TBC1D30: variants seen among roughly 807,000 people sequenced by gnomAD.
The protein encoded by TBC1D30 is TBC1 domain family member 30, also known as TBC1 domain family, member 30.
A neutral mutation model predicts 63.2 loss-of-function variants in TBC1D30; 31 were observed. The observed-to-expected ratio is 0.49, with a 90% CI of 0.37 to 0.66. The LOEUF (loss-of-function observed/expected upper bound fraction) is 0.66, where lower values mean the gene tolerates loss of function less well. Among genes scored for constraint, TBC1D30 ranks in the 30% least tolerant of loss-of-function variants. The pLI is 0.00. For missense variants in TBC1D30, 810 were observed against 953.6 expected (o/e 0.85, Z 1.98); for synonymous variants, 307 against 361.5 (o/e 0.85, Z 1.71).
At chr12:64,831,981 T>C in intron 4 of TBC1D30, 138 bp from the exon 5 acceptor site, 1 of 689,334 alleles carries the variant, frequency 1.5e-6, no homozygotes, top group Non-Finnish European at 2.2e-6. Context: ...TTTTGGCTCA[T>C]ATGTATAAAA....
intron 2 of TBC1D30, among the ~76,000 whole-genome samples, chr12:64,813,908 A>G (rs192515516): frequency 2.0e-5 from 3 of 152,296 alleles, no homozygotes; most frequent in Non-Finnish European, 4.4e-5. Context: ...GGAGAGAGAG[A>G]CAACAATGAG....
chr12:64,859,020 C>CTG (rs139732055), intron 8 of TBC1D30, among the ~76,000 whole-genome samples: 226 of 147,960 alleles, frequency 1.5e-3, no homozygotes, highest in Middle Eastern at 3.5e-3. Flanking sequence ...TTTGACTAGG[C>CTG]TGTGTGTGTG....
At chr12:64,786,025 A>G (rs1431352606) in exon 2 of TBC1D30, 1 of 1,287,908 alleles carries the variant, frequency 7.8e-7, no homozygotes, top group Non-Finnish European at 1.0e-6. Context: ...GCCTGCTTGC[A>G]GGCTGTGTCA....
rs1874137077 is a variant in TBC1D30, at chr12:64,824,690, C to CG, written c.-189dup. ...CTGCAGATGCCTGCTGGCTTCCCTGCGCTCGGCGGCTCCCGCGGTGCCCCG... is the reference window on the plus strand; with the variant it reads ...CTGCAGATGCCTGCTGGCTTCCCTGCGGCTCGGCGGCTCCCGCGGTGCCCCG... On this transcript the variant is annotated 5_prime_UTR_variant, in exon 1 of 12. It removes the in-frame stop codon of an upstream open reading frame in the 5' UTR. Coordinates refer to ENST00000539867, the MANE Select transcript of TBC1D30 (RefSeq NM_015279.2). 1 of 703,944 alleles carries CG rather than the reference C, an allele frequency of 1.4e-6. No homozygotes were observed. Among genetic ancestry groups the CG allele is most frequent in the Non-Finnish European group, 2.2e-6 (1 of 452,218 alleles). The allele number at this position is 703,944 out of a possible 1,614,324, so 43.6% of individuals were successfully genotyped here.
chr12:64,857,817 C>T (rs1433561497), intron 8 of TBC1D30, among the ~76,000 whole-genome samples: 1 of 152,210 alleles, frequency 6.6e-6, no homozygotes, highest in Non-Finnish European at 1.5e-5. Flanking sequence ...TTCAAATGCC[C>T]CCTCTGTGTG....
chr12:64,803,530 T>C (rs1256369120), intron 2 of TBC1D30, among the ~76,000 whole-genome samples: 1 of 152,258 alleles, frequency 6.6e-6, no homozygotes, highest in African/African-American at 2.4e-5. Context: ...ATTTTGGCTT[T>C]TGTTGCCATT....
At chr12:64,842,761 G>C (rs1875992646) in intron 7 of TBC1D30, among the ~76,000 whole-genome samples, 1 of 152,156 alleles carries the variant, frequency 6.6e-6, no homozygotes, top group African/African-American at 2.4e-5. Context: ...CAATTTCATG[G>C]TTATGCTTTC....
chr12:64,777,429 T>C (rs536881392), upstream of TBC1D30, among the ~76,000 whole-genome samples: 1 of 152,166 alleles, frequency 6.6e-6, no homozygotes, highest in African/African-American at 2.4e-5. Context: ...ACAAAATCAA[T>C]GTGCAAAAAT....
At chr12:64,819,356 A>G (rs1873745923) in intron 2 of TBC1D30, among the ~76,000 whole-genome samples, 1 of 151,290 alleles carries the variant, frequency 6.6e-6, no homozygotes, top group Non-Finnish European at 1.5e-5. Context: ...AAACTGTTAC[A>G]ATGCTCATAG....
upstream of TBC1D30, among the ~76,000 whole-genome samples, chr12:64,821,824 C>A (rs564533655): frequency 6.6e-6 from 1 of 152,292 alleles, no homozygotes; most frequent in East Asian, 1.9e-4. Flanking sequence ...TACCGGAGCT[C>A]GCAGCAAAAG....
intron 11 of TBC1D30, among the ~76,000 whole-genome samples, chr12:64,872,219 G>T (rs558912758): frequency 6.6e-6 from 1 of 152,286 alleles, no homozygotes; most frequent in African/African-American, 2.4e-5. Flanking sequence ...GTAGAGACGG[G>T]ATTTCACCAT....
chr12:64,763,909 C>T (rs1289574969), intron 1 of TBC1D30, among the ~76,000 whole-genome samples: 1 of 152,196 alleles, frequency 6.6e-6, no homozygotes, highest in Non-Finnish European at 1.5e-5. Context: ...GGATTACAGG[C>T]GTGAGCCACC....
Position 64,875,570 on chromosome 12 carries a change from G to A in TBC1D30, c.2068G>A (p.Glu690Lys), listed in dbSNP as rs1465573353. The A allele has an allele frequency of 1.1e-5, 17 of 1,536,000 alleles. No individual in the cohort carries two copies. The highest frequency in any genetic ancestry group is 6.8e-5 in the African/African-American group (5 of 73,016). ...RHCPEPPSAP[E>K]ENKATSKAPQ... The stretch of plus-strand genomic sequence containing the variant: ...CTGCCCAGAGCCGCCGAGTGCACCC[G>A]AAGAAAACAAAGCCACCAGCAAAGC... Residue 690 changes from glutamate to lysine, a missense_variant, in exon 12 of 12, where the codon GAA becomes AAA. By Grantham distance (56) the Glu-to-Lys change is moderately conservative. Transcript: ENST00000539867.
At chr12:64,863,530 C>A (rs1421022055) in intron 8 of TBC1D30, among the ~76,000 whole-genome samples, 1 of 152,204 alleles carries the variant, frequency 6.6e-6, no homozygotes, top group Admixed American at 6.5e-5. Context: ...TGTAGCTTTG[C>A]ACAGTAAGCG....
At chr12:64,807,918 G>GTTTTTTTTTTGTTTTTTTTTTTT (rs1872970645) in intron 2 of TBC1D30, among the ~76,000 whole-genome samples, 1 of 93,526 alleles carries the variant, frequency 1.1e-5, no homozygotes, top group African/African-American at 5.5e-5. Context: ...CCTAATTTAA[G>GTTTTTTTTTTGTTTTTTTTTTTT]TTTTTTTTTT....
At chr12:64,858,116 AGTT>A (rs1246504526) in intron 8 of TBC1D30, among the ~76,000 whole-genome samples, 1 of 152,186 alleles carries the variant, frequency 6.6e-6, no homozygotes, top group East Asian at 1.9e-4. Flanking sequence ...GTGTACAGAT[AGTT>A]GTTAAAATTT....
intron 7 of TBC1D30, among the ~76,000 whole-genome samples, chr12:64,841,320 C>T (rs1340903080): frequency 6.6e-6 from 1 of 152,120 alleles, no homozygotes; most frequent in Non-Finnish European, 1.5e-5. Context: ...AATTGTAGAC[C>T]ATCAGCACGC....
intron 1 of TBC1D30, among the ~76,000 whole-genome samples, chr12:64,827,265 C>T (rs927360482): frequency 2.0e-5 from 3 of 152,142 alleles, no homozygotes; most frequent in African/African-American, 7.2e-5. Context: ...GCCTGACCAA[C>T]ATGACGAAAC....
At chr12:64,763,257 T>G (rs1870584373) in intron 1 of TBC1D30, among the ~76,000 whole-genome samples, 1 of 152,160 alleles carries the variant, frequency 6.6e-6, no homozygotes, top group African/African-American at 2.4e-5. Context: ...GTTATCTTCC[T>G]CAATGCTAGT....
Sources: gnomAD v4.1 joint callset for allele counts (sites outside exome capture counted in the v4.1 genomes callset) on GRCh38, gnomAD v4.1.1 for gene constraint, MANE v1.5 for transcripts, NCBI Gene and HGNC (gene_info 2026-07-23, HGNC 2026-07-21) for gene names.